ANKS1B: variants seen among roughly 807,000 people sequenced by gnomAD.
The protein encoded by ANKS1B is ankyrin repeat and sterile alpha motif domain containing 1B.
ANKS1B carries 36 observed loss-of-function variants against 148.3 expected under a neutral mutation model. That is an observed-to-expected ratio of 0.24 (90% CI 0.19 to 0.32). The LOEUF is 0.32. Ranked by LOEUF, ANKS1B falls within the 10% of genes least tolerant of loss-of-function variation. The pLI is 1.00. For missense variants in ANKS1B, 1,157 were observed against 1,542.6 expected (o/e 0.75, Z 4.19); for synonymous variants, 542 against 560.8 (o/e 0.97, Z 0.47).
rs57985878 is a variant in ANKS1B at position 99,122,993 on chromosome 12, A to ATATATATATATATATATATATATATAT, written c.2526+31295_2526+31296insATATATATATATATATATATATATATA. 6.7e-4 allele frequency among the ~76,000 whole-genome samples: 92 copies of ATATATATATATATATATATATATATAT among 138,136 alleles called. 1 individual carries two copies. Among genetic ancestry groups the ATATATATATATATATATATATATATAT allele is most frequent in the African/African-American group, 1.6e-3 (57 of 35,596 alleles). The allele number at this position is 138,136 out of a possible 152,430, so 90.6% of individuals were successfully genotyped here. On this transcript the variant is annotated intron_variant, in intron 15 of 26. Coordinates refer to ENST00000683438, the MANE Select transcript of ANKS1B (RefSeq NM_001352186.2). Reference sequence around the variant, plus strand: ...TAGAAATAAATCAGTAAAATTAAAAAAAAAATATATATATATATATAAACA... The same window carrying ATATATATATATATATATATATATATAT: ...TAGAAATAAATCAGTAAAATTAAAAATATATATATATATATATATATATATATAAAAATATATATATATATATAAACA...
intron 9 of ANKS1B, among the ~76,000 whole-genome samples, chr12:99,509,487 T>C (rs899535118): frequency 6.6e-6 from 1 of 151,874 alleles, no homozygotes; most frequent in Admixed American, 6.6e-5. Flanking sequence ...GTGGTCTGGA[T>C]AGAAGATCAC....
At chr12:99,864,030 G>A (rs978540037) in intron 1 of ANKS1B, among the ~76,000 whole-genome samples, 3 of 136,422 alleles carry the variant, frequency 2.2e-5, no homozygotes, top group African/African-American at 8.5e-5. Flanking sequence ...GCAGTGAGCC[G>A]AGATCACGCC....
chr12:99,085,489 C>A (rs1163004049), intron 15 of ANKS1B, among the ~76,000 whole-genome samples: 5 of 152,076 alleles, frequency 3.3e-5, no homozygotes, highest in Admixed American at 3.3e-4. Flanking sequence ...TTTTTCCCCC[C>A]TTGATGACAG....
chr12:99,573,244 TTGC>T (rs1230557027), intron 9 of ANKS1B, among the ~76,000 whole-genome samples: 9 of 152,134 alleles, frequency 5.9e-5, no homozygotes, highest in Non-Finnish European at 1.0e-4. Context: ...TTTGATTGAG[TTGC>T]TGCTGTTTAA....
At chr12:99,069,766 C>A (rs7977423) in intron 16 of ANKS1B, among the ~76,000 whole-genome samples, 83,608 of 151,992 alleles carry the variant, frequency 0.55, 24,185 homozygotes, top group East Asian at 0.74. Context: ...AAATACAAAG[C>A]AATAGACTTG....
intron 12 of ANKS1B, among the ~76,000 whole-genome samples, chr12:99,384,409 T>C (rs1225652502): frequency 1.3e-5 from 2 of 152,194 alleles, no homozygotes; most frequent in African/African-American, 4.8e-5. Flanking sequence ...GGACAACTAA[T>C]GTGTACTGAC....
intron 11 of ANKS1B, among the ~76,000 whole-genome samples, chr12:99,407,347 C>A (rs577751593): frequency 6.9e-6 from 1 of 145,274 alleles, no homozygotes; most frequent in African/African-American, 2.6e-5. Context: ...GATAAAAACC[C>A]ACTGGGTATA....
At chr12:98,936,755 T>C (rs1176664690) in intron 17 of ANKS1B, among the ~76,000 whole-genome samples, 3 of 152,238 alleles carry the variant, frequency 2.0e-5, no homozygotes, top group Non-Finnish European at 4.4e-5. Flanking sequence ...TAAGTCAATT[T>C]AATCCCAGTA....
At chr12:98,996,169 A>G (rs73384651) in intron 17 of ANKS1B, among the ~76,000 whole-genome samples, 2,155 of 152,212 alleles carry the variant, frequency 0.014, 49 homozygotes, top group African/African-American at 0.049. Context: ...GTTCCACCTT[A>G]CCAAGCTTAA....
At chr12:98,924,143 G>C (rs1488592505) in intron 17 of ANKS1B, among the ~76,000 whole-genome samples, 1 of 152,200 alleles carries the variant, frequency 6.6e-6, no homozygotes, top group Non-Finnish European at 1.5e-5. Context: ...TCTGATTAAA[G>C]CAGGGATGAG....
intron 1 of ANKS1B, among the ~76,000 whole-genome samples, chr12:99,924,501 G>A (rs1049642324): frequency 1.5e-4 from 23 of 152,188 alleles, no homozygotes; most frequent in African/African-American, 5.3e-4. Context: ...TTACATATAT[G>A]TACCATTAAC....
intron 16 of ANKS1B, among the ~76,000 whole-genome samples, chr12:99,060,198 TA>T (rs55732990): frequency 0.64 from 95,649 of 149,766 alleles, 30,582 homozygotes; most frequent in East Asian, 0.88. Context: ...TATATTAACA[TA>T]TTTTTTTTTT....
chr12:99,392,428 T>C (rs2094107397), intron 12 of ANKS1B, among the ~76,000 whole-genome samples: 1 of 152,266 alleles, frequency 6.6e-6, no homozygotes, highest in African/African-American at 2.4e-5. Context: ...TTTTTGTTAT[T>C]TCTCCCACTT....
intron 12 of ANKS1B, among the ~76,000 whole-genome samples, chr12:99,348,598 T>C (rs1395721438): frequency 6.6e-6 from 1 of 151,914 alleles, no homozygotes; most frequent in African/African-American, 2.4e-5. Context: ...ATAAGAATAA[T>C]ATCTTATTTA....
At chr12:99,961,913 T>C (rs2095417281) in intron 1 of ANKS1B, among the ~76,000 whole-genome samples, 1 of 152,182 alleles carries the variant, frequency 6.6e-6, no homozygotes, top group Non-Finnish European at 1.5e-5. Context: ...AAAGCCAAGA[T>C]ACAAATACTT....
intron 14 of ANKS1B, among the ~76,000 whole-genome samples, chr12:99,184,287 A>T (rs2079510031): frequency 6.6e-6 from 1 of 152,242 alleles, no homozygotes; most frequent in Non-Finnish European, 1.5e-5. Flanking sequence ...TTATTGAGCC[A>T]TAGACTATTA....
chr12:99,836,174 TG>T (rs2084821278), intron 1 of ANKS1B, among the ~76,000 whole-genome samples: 1 of 152,182 alleles, frequency 6.6e-6, no homozygotes, highest in Non-Finnish European at 1.5e-5. Context: ...GTCCACTGTT[TG>T]TTTTTGTAAA....
chr12:98,994,293 T>G (rs1424639836), intron 17 of ANKS1B, among the ~76,000 whole-genome samples: 2 of 152,146 alleles, frequency 1.3e-5, no homozygotes, highest in African/African-American at 4.8e-5. Context: ...TGTTTTAGTT[T>G]GCTAGGGCTG....
At chr12:99,125,592 G>A (rs2064092679) in intron 15 of ANKS1B, among the ~76,000 whole-genome samples, 1 of 152,150 alleles carries the variant, frequency 6.6e-6, no homozygotes, top group African/African-American at 2.4e-5. Flanking sequence ...ATGAATTGGT[G>A]CTGTGGCTGC....
Sources: allele counts gnomAD v4.1 joint callset (sites outside exome capture counted in the v4.1 genomes callset), GRCh38; gene constraint gnomAD v4.1.1; transcripts MANE v1.5; gene names NCBI Gene and HGNC (gene_info 2026-07-23, HGNC 2026-07-21).